CAST: variants seen among roughly 807,000 people sequenced by gnomAD.
The protein encoded by CAST is calpastatin.
Under a neutral mutation model 119.6 loss-of-function variants are expected in CAST, and 76 were observed. The ratio of observed to expected loss-of-function variants is 0.64; its 90% CI spans 0.53 to 0.77. CAST has a LOEUF of 0.77. Ranked by LOEUF, CAST falls within the 30% of genes least tolerant of loss-of-function variation. The pLI is 0.00. For synonymous variants in CAST, 319 were observed against 331.6 expected (o/e 0.96, Z 0.41); for missense variants, 953 against 946.5 (o/e 1.01, Z -0.09).
chr5:96,160,205 T>C, the CAST span, among the ~76,000 whole-genome samples: 11 of 152,140 alleles, frequency 7.2e-5, no homozygotes, highest in South Asian at 1.7e-3. Context: ...ATCACCACTA[T>C]ATAATTTTGG....
chr5:96,353,441 G>A, the CAST span, among the ~76,000 whole-genome samples: 1 of 152,116 alleles, frequency 6.6e-6, no homozygotes, highest in Non-Finnish European at 1.5e-5. Flanking sequence ...AACTTGACTG[G>A]GTTGCAGAGT....
chr5:96,742,989 A>G (rs1447047181), intron 16 of CAST, among the ~76,000 whole-genome samples: 1 of 152,222 alleles, frequency 6.6e-6, no homozygotes, highest in East Asian at 1.9e-4. Context: ...CTCCCTTGCT[A>G]GAGCTTAAAT....
At chr5:96,112,681 A>G in the CAST span, among the ~76,000 whole-genome samples, 11 of 152,334 alleles carry the variant, frequency 7.2e-5, no homozygotes, top group East Asian at 1.2e-3. Context: ...TTAAGTTGAA[A>G]ATATTGTATA....
chr5:96,383,787 A>G, the CAST span, among the ~76,000 whole-genome samples: 53 of 152,316 alleles, frequency 3.5e-4, no homozygotes, highest in African/African-American at 1.3e-3. Context: ...GTGATGTGAC[A>G]AGATATGCAA....
the CAST span, among the ~76,000 whole-genome samples, chr5:96,142,744 T>C: frequency 6.6e-6 from 1 of 152,198 alleles, no homozygotes; most frequent in Non-Finnish European, 1.5e-5. Context: ...GTACTAAAAA[T>C]TGTGTATAAT....
the CAST span, among the ~76,000 whole-genome samples, chr5:96,049,512 G>A: frequency 1.8e-3 from 267 of 152,322 alleles, 1 homozygote; most frequent in African/African-American, 6.1e-3. Flanking sequence ...GATTGTACAA[G>A]CGTCAGGGGC....
At chr5:96,098,468 A>G in the CAST span, among the ~76,000 whole-genome samples, 5 of 152,172 alleles carry the variant, frequency 3.3e-5, no homozygotes, top group African/African-American at 1.2e-4. Flanking sequence ...TTTACATTGA[A>G]GTCTTTAATC....
the CAST span, among the ~76,000 whole-genome samples, chr5:96,424,242 T>G: frequency 6.6e-6 from 1 of 152,258 alleles, no homozygotes; most frequent in South Asian, 2.1e-4. Context: ...GCTGCCCTCT[T>G]GCTTTTGTGC....
the CAST span, among the ~76,000 whole-genome samples, chr5:96,361,882 C>G: frequency 7.0e-6 from 1 of 142,864 alleles, no homozygotes; most frequent in Admixed American, 7.3e-5. Context: ...ATGTGCACAA[C>G]GTGCAGGTTC....
the CAST span, among the ~76,000 whole-genome samples, chr5:96,430,331 C>T: frequency 1.9e-3 from 283 of 152,308 alleles, no homozygotes; most frequent in Non-Finnish European, 3.0e-3. Flanking sequence ...AAGAAACAAA[C>T]AGTTGACAAC....
chr5:96,157,095 T>G, the CAST span, among the ~76,000 whole-genome samples: 1 of 152,244 alleles, frequency 6.6e-6, no homozygotes, highest in Admixed American at 6.5e-5. Context: ...TTAGGTTTAT[T>G]TTTTTTCTCT....
At chr5:96,642,043 A>G (rs155050) in intron 1 of CAST, among the ~76,000 whole-genome samples, 45,247 of 152,050 alleles carry the variant, frequency 0.3, 6,884 homozygotes, top group African/African-American at 0.33. Flanking sequence ...TCAGCAAAAC[A>G]TCTCAGAAAT....
intron 1 of CAST, among the ~76,000 whole-genome samples, chr5:96,647,795 G>C (rs1361800545): frequency 6.6e-6 from 1 of 152,116 alleles, no homozygotes; most frequent in Non-Finnish European, 1.5e-5. Context: ...ATGGCCCTGC[G>C]TGCACCTTGA....
the CAST span, among the ~76,000 whole-genome samples, chr5:96,157,634 A>G: frequency 1.3e-5 from 2 of 152,262 alleles, no homozygotes; most frequent in Non-Finnish European, 2.9e-5. Flanking sequence ...CAACGGAATT[A>G]TTCATAAAAA....
the CAST span, among the ~76,000 whole-genome samples, chr5:96,020,007 AT>A: frequency 2.0e-5 from 3 of 152,120 alleles, no homozygotes; most frequent in African/African-American, 4.8e-5. Flanking sequence ...TGTACAATTC[AT>A]TTTTTTCTAT....
chr5:96,029,503 C>T, the CAST span, among the ~76,000 whole-genome samples: 1 of 152,026 alleles, frequency 6.6e-6, no homozygotes, highest in Non-Finnish European at 1.5e-5. Flanking sequence ...AAAATGTTCA[C>T]ATGACCATGA....
At position 96,756,640 on chromosome 5, in the gene CAST, C is replaced by T. The variant is rs188149456; in HGVS notation, c.1711-804C>T. Among the ~76,000 whole-genome samples, 399 of 152,324 alleles carry T rather than the reference C, an allele frequency of 2.6e-3. 2 individuals are homozygous for T. The highest frequency in any genetic ancestry group is 4.1e-3 in the Admixed American group (63 of 15,296). On this transcript the variant is annotated intron_variant, in intron 22 of 31. Transcript: ENST00000675179. ...TTTTCAGATTTTCAGATTAGGGATA[C>T]TCAACTTGTACCTCTAAACCATTGC...
the CAST span, among the ~76,000 whole-genome samples, chr5:96,461,043 C>A: frequency 1.3e-5 from 2 of 152,132 alleles, no homozygotes; most frequent in African/African-American, 2.4e-5. Context: ...CCTCCTCCAG[C>A]TTCCGGCAAT....
At chr5:96,179,180 A>G in the CAST span, among the ~76,000 whole-genome samples, 3 of 152,198 alleles carry the variant, frequency 2.0e-5, no homozygotes, top group Non-Finnish European at 2.9e-5. Context: ...TACACTGTCT[A>G]AAACACACAT....
Sources: gnomAD v4.1 joint callset for allele counts (sites outside exome capture counted in the v4.1 genomes callset) on GRCh38, gnomAD v4.1.1 for gene constraint, MANE v1.5 for transcripts, NCBI Gene and HGNC (gene_info 2026-07-23, HGNC 2026-07-21) for gene names.